Variants in LRP6 observed in about 807,000 individuals in gnomAD.
LRP6 encodes the protein LDL receptor related protein 6.
In LRP6, 43 loss-of-function variants were observed where a neutral mutation model predicts 184.1. That is an observed-to-expected ratio of 0.23 (90% CI 0.18 to 0.30). The LOEUF is 0.30. Ranked by LOEUF, LRP6 falls within the 10% of genes least tolerant of loss-of-function variation. LRP6 has a pLI of 1.00. For synonymous variants in LRP6, 719 were observed against 684.9 expected, an observed-to-expected ratio of 1.05 and a Z score of -0.78; for missense variants, 1,571 against 2,005.3, an observed-to-expected ratio of 0.78 and a Z score of 4.14.
intron 2 of LRP6, among the ~76,000 whole-genome samples, chr12:12,205,325 C>CAAAAAAAAAAAAAAAAAAAAAAAAAAA (rs1334062234): frequency 7.6e-5 from 2 of 26,244 alleles, no homozygotes; most frequent in Admixed American, 4.1e-4. Context: ...CTGTCTCAAA[C>CAAAAAAAAAAAAAAAAAAAAAAAAAAA]AAACAAAAAA....
At chr12:12,141,990 G>C (rs1301758219) in intron 15 of LRP6, among the ~76,000 whole-genome samples, 1 of 152,064 alleles carries the variant, frequency 6.6e-6, no homozygotes, top group East Asian at 1.9e-4. Context: ...GGCGACATAT[G>C]GTTTAAGATA....
chr12:12,121,385 G>T lies in LRP6; in HGVS notation c.4583C>A (p.Pro1528His). ...AACATCTGTGCTGCAGGGTGTGGTG[G>T]GGGGTGCAAAGTGCCGGTAGCTATA... ...RPYSYRHFAPPTTPCSTDVCD... is the reference protein window; with the variant it reads ...RPYSYRHFAPHTTPCSTDVCD... The change falls in exon 23 of 23, where the codon CCC (proline) becomes CAC (histidine). Residue 1528 changes from proline (P) to histidine (H), a missense_variant. Coordinates refer to ENST00000261349, the MANE Select transcript of LRP6 (RefSeq NM_002336.3). The T allele has an allele frequency of 1.9e-6, 3 of 1,614,128 alleles. No homozygotes were observed. The highest frequency in any genetic ancestry group is 1.3e-5 in the African/African-American group (1 of 75,006).
chr12:12,147,649 T>C (rs937400390), intron 14 of LRP6, 93 bp from the exon 15 acceptor site: 1 of 1,076,206 alleles, frequency 9.3e-7, no homozygotes, highest in Non-Finnish European at 1.4e-6. Flanking sequence ...GTAGAGTATT[T>C]TTAAGTATTG....
intron 2 of LRP6, chr12:12,210,818 G>GT: frequency 6.6e-6 from 1 of 152,284 alleles, no homozygotes; most frequent in South Asian, 2.1e-4. Flanking sequence ...AAAGAAAAGT[G>GT]TTGTGTAAAA....
intron 19 of LRP6, among the ~76,000 whole-genome samples, chr12:12,127,871 C>T (rs1042613660): frequency 3.3e-5 from 5 of 152,094 alleles, no homozygotes; most frequent in South Asian, 2.1e-4. Context: ...GAAAGAAATG[C>T]GTGAAAATGA....
At position 12,242,088 on chromosome 12, in the gene LRP6, T is replaced by C. The variant is rs992614943; in HGVS notation, c.449+2174A>G. On this transcript the variant is annotated intron_variant, in intron 2 of 22. Coordinates refer to ENST00000261349, the MANE Select transcript of LRP6 (RefSeq NM_002336.3). ...AGGAACTATATACATTCAGTTCCCT[T>C]TAATAATGTACTATCAGGTAATCAT... Among the ~76,000 whole-genome samples, 4 of 152,186 alleles carry C rather than the reference T, an allele frequency of 2.6e-5. No homozygotes were observed. The East Asian group carries it at 7.7e-4, about 29-fold the overall frequency.
intron 3 of LRP6, among the ~76,000 whole-genome samples, chr12:12,192,970 T>C (rs1489130148): frequency 6.6e-6 from 1 of 152,014 alleles, no homozygotes; most frequent in Non-Finnish European, 1.5e-5. Context: ...GGACACCACA[T>C]GCTAGGAGAC....
At chr12:12,212,399 G>A (rs1052718919) in intron 2 of LRP6, among the ~76,000 whole-genome samples, 13 of 152,194 alleles carry the variant, frequency 8.5e-5, no homozygotes, top group Admixed American at 6.5e-5. Flanking sequence ...ACAAAAGCAT[G>A]AAGAGAGCCT....
In LRP6 at chr12:12,120,033, ATATATAT is replaced by A. The variant is rs1949582619; in HGVS notation, c.*1086_*1092del. On this transcript the variant is annotated 3_prime_UTR_variant, in exon 23 of 23. Transcript: ENST00000261349. ...TATATATATATATATATATATATAT[ATATATAT>A]ATAAATGATTTCGTACTGTGATATA... The A allele has an allele frequency of 8.1e-6, 1 of 123,942 alleles. No homozygotes were observed. The highest frequency in any genetic ancestry group is 8.0e-5 in the Admixed American group (1 of 12,468). The allele number at this position is 123,942 out of a possible 1,614,324, so 7.7% of individuals were successfully genotyped here. A position where few individuals can be genotyped will look rare whatever the true frequency, so the allele number is the denominator to read the frequency against.
intron 3 of LRP6, among the ~76,000 whole-genome samples, chr12:12,193,500 C>CAA (rs61513905): frequency 1.3e-5 from 2 of 148,854 alleles, no homozygotes; most frequent in Non-Finnish European, 3.0e-5. Flanking sequence ...TAGACTGACC[C>CAA]AAAAAAAAAG....
chr12:12,252,420 A>G (rs1865345983), intron 1 of LRP6, among the ~76,000 whole-genome samples: 1 of 152,264 alleles, frequency 6.6e-6, no homozygotes, highest in Admixed American at 6.5e-5. Flanking sequence ...TATGGGTCAT[A>G]TGGAAAGCAC....
intron 15 of LRP6, chr12:12,138,871 T>G (rs1949887688): frequency 2.2e-6 from 3 of 1,376,114 alleles, no homozygotes; most frequent in Non-Finnish European, 2.9e-6. Flanking sequence ...GCAGTGGTGG[T>G]GGACCCAGAG....
At chr12:12,127,542 A>C (rs111306530) in intron 19 of LRP6, among the ~76,000 whole-genome samples, 5 of 152,306 alleles carry the variant, frequency 3.3e-5, no homozygotes, top group African/African-American at 1.2e-4. Context: ...AAGGAACATA[A>C]GGTCTTTAAT....
rs188647049 is a variant in LRP6 at position 12,188,259 on chromosome 12, T to C, written c.648-1140A>G. 6.0e-5 allele frequency among the ~76,000 whole-genome samples: 9 copies of C among 149,146 alleles called. No homozygotes were observed. In the East Asian group the frequency reaches 1.2e-3, roughly 19 times the overall value. ...AGAATAAGCAAATGCTCTGGAATAA[T>C]GAACAAATCACGTTTTGAGTCAAAA... On this transcript the variant is annotated intron_variant, in intron 3 of 22. Coordinates refer to ENST00000261349, the MANE Select transcript of LRP6 (RefSeq NM_002336.3).
chr12:12,197,369 C>A (rs779163082), intron 3 of LRP6, among the ~76,000 whole-genome samples: 19 of 152,180 alleles, frequency 1.2e-4, no homozygotes, highest in Non-Finnish European at 1.9e-4. Flanking sequence ...AATGGTTTTT[C>A]CCAACACCAC....
chr12:12,145,710 C>T (rs1355748035), intron 15 of LRP6, among the ~76,000 whole-genome samples: 6 of 148,034 alleles, frequency 4.1e-5, no homozygotes, highest in African/African-American at 1.3e-4. Context: ...TGACTCACTG[C>T]AACCACCGCC....
intron 2 of LRP6, among the ~76,000 whole-genome samples, chr12:12,215,782 T>C (rs1294367271): frequency 6.6e-6 from 1 of 151,148 alleles, no homozygotes; most frequent in African/African-American, 2.4e-5. Context: ...GAAGCCAAGG[T>C]GGGAGGATCA....
At chr12:12,163,935 G>C (rs557160088) in intron 9 of LRP6, among the ~76,000 whole-genome samples, 2 of 152,258 alleles carry the variant, frequency 1.3e-5, no homozygotes, top group South Asian at 2.1e-4. Flanking sequence ...AGTTCGAGCG[G>C]CCTGGCCAAC....
At chr12:12,169,197 C>T (rs942841282) in intron 7 of LRP6, among the ~76,000 whole-genome samples, 3 of 151,400 alleles carry the variant, frequency 2.0e-5, no homozygotes, top group African/African-American at 4.9e-5. Flanking sequence ...CCATTGCACT[C>T]CAGCCTGGGC....
Sources: gnomAD v4.1 joint callset for allele counts (sites outside exome capture counted in the v4.1 genomes callset) on GRCh38, gnomAD v4.1.1 for gene constraint, MANE v1.5 for transcripts, NCBI Gene and HGNC (gene_info 2026-07-23, HGNC 2026-07-21) for gene names.